The following USP40 variants were observed in gnomAD, a reference collection of about 807,000 sequenced individuals.
USP40 encodes the protein ubiquitin specific peptidase 40.
A neutral mutation model predicts 166.2 loss-of-function variants in USP40; 143 were observed. That is an observed-to-expected ratio of 0.86 (90% confidence interval 0.75 to 0.99). The LOEUF is 0.99. USP40 is among the 50% of genes least tolerant of loss of function. The pLI, the probability that USP40 is intolerant of heterozygous loss-of-function variation, is 0.00. For synonymous variants in USP40, 498 were observed against 524.0 expected (o/e 0.95, Z 0.68); for missense variants, 1,444 against 1,479.7 (o/e 0.98, Z 0.40).
chr2:233,497,277 C>T (rs192753040), intron 23 of USP40, among the ~76,000 whole-genome samples: 11 of 152,258 alleles, frequency 7.2e-5, no homozygotes, highest in East Asian at 5.8e-4. Context: ...GAGGTCACAC[C>T]GGACTGGAAG....
At chr2:233,538,451 C>CTTTTT (rs1230717090) in intron 10 of USP40, among the ~76,000 whole-genome samples, 3 of 151,820 alleles carry the variant, frequency 2.0e-5, no homozygotes, top group Admixed American at 6.6e-5. Flanking sequence ...AAAAAGAAAG[C>CTTTTT]TAAAAAAAGA....
chr2:233,510,129 G>C lies in USP40; in HGVS notation c.2533C>G (p.Leu845Val), dbSNP rs755215889. 17 of 1,599,224 alleles carry C rather than the reference G, an allele frequency of 1.1e-5. No individual in the cohort carries two copies. The highest frequency in any genetic ancestry group is 1.5e-5 in the Non-Finnish European group (17 of 1,171,800). Residue 845 changes from leucine to valine, a missense_variant, in exon 21 of 32, where the codon CTG becomes GTG. Coordinates refer to ENST00000678225, the MANE Select transcript of USP40 (RefSeq NM_001365479.2). ...ACGTCACTCCCCATTGCAAAAAACA[G>C]GAACAACTAATAACAAGACAGATGT... ...GKAPSSSQLF[L>V]FFAMGSDVQP...
chr2:233,493,312 T>G lies in USP40; in HGVS notation c.2917+113A>C. 1 of 1,443,040 alleles carries G rather than the reference T, an allele frequency of 6.9e-7. No individual in the cohort carries two copies. The highest frequency in any genetic ancestry group is 2.0e-5 in the Admixed American group (1 of 49,814). 89.4% of individuals were successfully genotyped at this position (1,443,040 alleles called of 1,614,324 possible). A position where few individuals can be genotyped will look rare whatever the true frequency, so the allele number is the denominator to read the frequency against. ...ACTTATGAAATTAATAGGTCTTGAT[T>G]TTCAAGATCTTACGTTTTAAAAATA... is the stretch of plus-strand genomic sequence containing the variant. On this transcript the variant is annotated intron_variant, in intron 25 of 31. Coordinates refer to ENST00000678225, the MANE Select transcript of USP40 (RefSeq NM_001365479.2). The surrounding 1 kb of genome is among the most constrained non-coding windows in gnomAD (Gnocchi z 4.7).
chr2:233,532,235 T>G (rs1322452191), intron 11 of USP40, among the ~76,000 whole-genome samples: 1 of 152,218 alleles, frequency 6.6e-6, no homozygotes, highest in Non-Finnish European at 1.5e-5. Context: ...GGGTGTTGCC[T>G]GCAGCCAATC....
chr2:233,516,687 CAAAA>C (rs763405308), intron 18 of USP40, among the ~76,000 whole-genome samples: 1 of 109,108 alleles, frequency 9.2e-6, no homozygotes. Context: ...GACTCCATCT[CAAAA>C]AAAAAAAAAA....
intron 28 of USP40, chr2:233,487,922 A>G (rs1316588558): frequency 1.6e-5 from 9 of 575,376 alleles, no homozygotes; most frequent in Middle Eastern, 5.4e-4. Flanking sequence ...AATCCGTTGG[A>G]TGGCAGACTG....
chr2:233,519,762 T>A, intron 17 of USP40, 91 bp from the exon 18 acceptor site: 2 of 682,890 alleles, frequency 2.9e-6, no homozygotes, highest in South Asian at 4.6e-5. Flanking sequence ...ACAAATTATT[T>A]GAGATATTAA....
At chr2:233,487,802 C>A in intron 28 of USP40, 1 of 367,912 alleles carries the variant, frequency 2.7e-6, no homozygotes, top group South Asian at 2.1e-5. Flanking sequence ...TACTTATATT[C>A]TAGTAGTGGG....
chr2:233,542,131 T>A (rs897180126), intron 9 of USP40, 137 bp downstream of exon 9: 6 of 416,072 alleles, frequency 1.4e-5, no homozygotes, highest in African/African-American at 1.2e-4. Flanking sequence ...ACAGAGAATG[T>A]CCTTAAGGAA....
At chr2:233,477,536 G>T in intron 31 of USP40, 33 bp from the exon 32 acceptor site, 2 of 1,574,028 alleles carry the variant, frequency 1.3e-6, no homozygotes, top group South Asian at 1.1e-5. Flanking sequence ...ATTGACTCAT[G>T]GATGCAGTGG....
At chr2:233,478,487 A>G (rs993577736) in intron 31 of USP40, among the ~76,000 whole-genome samples, 5 of 152,212 alleles carry the variant, frequency 3.3e-5, no homozygotes, top group Non-Finnish European at 7.3e-5. Context: ...TGAACTGTTC[A>G]TACCCTTTAC....
chr2:233,532,713 G>A (rs1434604320), intron 11 of USP40, among the ~76,000 whole-genome samples: 1 of 152,166 alleles, frequency 6.6e-6, no homozygotes, highest in Non-Finnish European at 1.5e-5. Flanking sequence ...AGGCTGAGGT[G>A]TGAGCATCAT....
chr2:233,555,635 T>TC (rs1255848801), intron 5 of USP40, among the ~76,000 whole-genome samples: 1 of 142,390 alleles, frequency 7.0e-6, no homozygotes, highest in East Asian at 2.0e-4. Context: ...AAAAAATCAC[T>TC]CTTTTTTTTT....
intron 6 of USP40, among the ~76,000 whole-genome samples, chr2:233,552,966 A>G (rs1461183360): frequency 2.0e-5 from 3 of 152,192 alleles, no homozygotes; most frequent in African/African-American, 7.2e-5. Context: ...AACTGAGCTC[A>G]AGGTGATGAT....
rs746508800 is a variant in USP40 at position 233,477,489 on chromosome 2, TGGA to T, written c.3611_3613del (p.Leu1204del). 4.3e-6 allele frequency: 7 copies of T among 1,613,300 alleles called. No homozygotes were observed. In the East Asian group the frequency reaches 1.6e-4, roughly 36 times the overall value. On this transcript the variant is annotated inframe_deletion, in exon 32 of 32. Coordinates refer to ENST00000678225, the MANE Select transcript of USP40 (RefSeq NM_001365479.2). ...GGAGAGGATGTAGCTGCTCTGCTCA[TGGA>T]GGGCTTCTTGGCTGCAGAGACACAG...
At chr2:233,502,501 C>G (rs934127210) in intron 21 of USP40, among the ~76,000 whole-genome samples, 6 of 152,082 alleles carry the variant, frequency 3.9e-5, no homozygotes, top group African/African-American at 1.4e-4. Flanking sequence ...AAAAAGTGCT[C>G]AAAAAGTTTT....
chr2:233,543,130 C>T (rs765308294), intron 8 of USP40, among the ~76,000 whole-genome samples: 10 of 152,106 alleles, frequency 6.6e-5, no homozygotes, highest in East Asian at 1.9e-4. Context: ...CAAAATTCCC[C>T]GGTAAGTTAT....
At chr2:233,481,623 G>A (rs563029326) in intron 30 of USP40, 4 of 329,988 alleles carry the variant, frequency 1.2e-5, no homozygotes, top group South Asian at 7.9e-5. Context: ...ATCAGCACAC[G>A]GATCTCTCAT....
chr2:233,535,718 T>C (rs2068885779), intron 10 of USP40, among the ~76,000 whole-genome samples: 1 of 152,018 alleles, frequency 6.6e-6, no homozygotes, highest in African/African-American at 2.4e-5. Context: ...CAACACATCA[T>C]CCACAATATG....
Sources: allele counts gnomAD v4.1 joint callset (sites outside exome capture counted in the v4.1 genomes callset), GRCh38; gene constraint gnomAD v4.1.1; non-coding constraint Gnocchi (gnomAD v3.1); transcripts MANE v1.5; gene names NCBI Gene and HGNC (gene_info 2026-07-23, HGNC 2026-07-21).